The following TTLL7 variants were observed in gnomAD, a reference collection of about 807,000 sequenced individuals.
TTLL7 encodes the protein tubulin polyglutamylase TTLL7.
TTLL7 carries 53 observed loss-of-function variants against 120.2 expected under a neutral mutation model. That is an observed-to-expected ratio of 0.44 (90% CI 0.35 to 0.55). The LOEUF is 0.55. TTLL7 is among the 20% of genes least tolerant of loss of function. TTLL7 has a pLI of 0.00. For missense variants in TTLL7, 803 were observed against 1,054.7 expected, an observed-to-expected ratio of 0.76 and a Z score of 3.31; for synonymous variants, 353 against 351.7, an observed-to-expected ratio of 1.00 and a Z score of -0.04.
rs1311857233 is a variant in TTLL7, at chr1:83,956,831, T to C, written c.-176-4444A>G. On this transcript the variant is annotated intron_variant, in intron 1 of 20. Transcript: ENST00000260505. ...AGAGGAATATATGGAACATATCCAC[T>C]GAGCAGTTGTGGCCTGCTATGGCTA... is the stretch of plus-strand genomic sequence containing the variant. Among the ~76,000 whole-genome samples, 8 of 152,300 alleles carry C rather than the reference T, an allele frequency of 5.3e-5. No homozygotes were observed. The East Asian group carries it at 1.5e-3, about 29-fold the overall frequency.
chr1:83,906,456 G>C lies in TTLL7; in HGVS notation c.2000C>G (p.Ser667Cys). The C allele has an allele frequency of 6.2e-7, 1 of 1,611,798 alleles. No individual in the cohort carries two copies. The highest frequency in any genetic ancestry group is 8.5e-7 in the Non-Finnish European group (1 of 1,178,692). ...TTCTTTTGTTTTCAGTTGCCGCAAA[G>C]ACTCACTCTTAAATTTGAAAGAATA... The part of the protein sequence containing the change: ...ACSTNSQVSE[S>C]LRQLKTKEQE... Residue 667 changes from serine (S) to cysteine (C), a missense_variant, in exon 17 of 21, where the codon TCT (serine) becomes TGT (cysteine). By Grantham distance (112) the Ser-to-Cys change is moderately radical (BLOSUM62 -1). Around this residue, in one of 3 missense-constraint regions of TTLL7, gnomAD observed 388 missense variants for 450.4 expected, o/e 0.86. Coordinates refer to ENST00000260505, the MANE Select transcript of TTLL7 (RefSeq NM_024686.6).
Position 83,906,052 on chromosome 1 carries a change from C to A in TTLL7, c.2127+277G>T, listed in dbSNP as rs756915175. 1.1e-4 allele frequency among the ~76,000 whole-genome samples: 16 copies of A among 152,004 alleles called. 1 individual carries two copies. Among genetic ancestry groups the A allele is most frequent in the Non-Finnish European group, 1.9e-4 (13 of 67,980 alleles). On this transcript the variant is annotated intron_variant, in intron 17 of 20. Coordinates refer to ENST00000260505, the MANE Select transcript of TTLL7 (RefSeq NM_024686.6). Reference sequence around the variant, plus strand: ...CATTAAGAACAATAATTATTTAACACTAATTATTCTGACTTGATGAAGCAG... The same window carrying A: ...CATTAAGAACAATAATTATTTAACAATAATTATTCTGACTTGATGAAGCAG...
At chr1:83,990,457 G>A (rs1052631979) in intron 1 of TTLL7, among the ~76,000 whole-genome samples, 3 of 152,082 alleles carry the variant, frequency 2.0e-5, no homozygotes, top group African/African-American at 7.2e-5. Context: ...TTACAGGCGT[G>A]AGCCACCGCG....
rs1037521063 is a variant in TTLL7 at position 83,949,298 on chromosome 1, G to C, written c.279+567C>G. 1.3e-4 allele frequency: 20 copies of C among 151,252 alleles called. 1 individual carries two copies. The highest frequency in any genetic ancestry group is 1.3e-3 in the Admixed American group (20 of 15,178). 9.4% of individuals were successfully genotyped at this position (151,252 alleles called of 1,614,324 possible). ...TCTTTAAAGCACCATCTTAGGAAGA[G>C]GTGTTTTTTTTGTTTTGTTTTTTTT... is the stretch of plus-strand genomic sequence containing the variant. On this transcript the variant is annotated intron_variant, in intron 4 of 20. Transcript: ENST00000260505.
chr1:83,884,208 A>G (rs1048165049), intron 19 of TTLL7, among the ~76,000 whole-genome samples: 3 of 151,762 alleles, frequency 2.0e-5, no homozygotes, highest in African/African-American at 7.3e-5. Flanking sequence ...AAACTCTTCA[A>G]GCCTCCAGGG....
chr1:83,917,562 G>C (rs767721492), intron 14 of TTLL7, 42 bp downstream of exon 14: 9 of 1,361,220 alleles, frequency 6.6e-6, no homozygotes, highest in Non-Finnish European at 9.5e-6. Flanking sequence ...AGGGCTAGTA[G>C]CATCTACTTT....
At chr1:83,946,744 C>T (rs2100851597) in intron 6 of TTLL7, among the ~76,000 whole-genome samples, 1 of 152,230 alleles carries the variant, frequency 6.6e-6, no homozygotes, top group Admixed American at 6.5e-5. Context: ...AGAATAACTC[C>T]CTTTTCATTT....
At chr1:83,962,629 C>G (rs995147810) in intron 1 of TTLL7, among the ~76,000 whole-genome samples, 13 of 152,152 alleles carry the variant, frequency 8.5e-5, no homozygotes, top group African/African-American at 3.1e-4. Context: ...ATTGTGCCTA[C>G]TAAGTAACTA....
chr1:83,937,723 T>C, intron 8 of TTLL7, 129 bp downstream of exon 8: 1 of 1,030,860 alleles, frequency 9.7e-7, no homozygotes, highest in African/African-American at 1.6e-5. Flanking sequence ...ATCTGATTTT[T>C]TTCTCTCTGG....
At chr1:83,944,313 C>A (rs1460808279) in intron 6 of TTLL7, among the ~76,000 whole-genome samples, 4 of 152,130 alleles carry the variant, frequency 2.6e-5, no homozygotes, top group Non-Finnish European at 5.9e-5. Context: ...GCTCAATTAC[C>A]TCCAAGTAGG....
chr1:83,942,147 T>G (rs942976023), intron 7 of TTLL7, among the ~76,000 whole-genome samples: 23 of 152,168 alleles, frequency 1.5e-4, no homozygotes, highest in Non-Finnish European at 7.3e-5. Flanking sequence ...CATGTTAGTA[T>G]TATTTATAAT....
chr1:83,899,157 T>A (rs1656495995), intron 18 of TTLL7, among the ~76,000 whole-genome samples: 1 of 151,914 alleles, frequency 6.6e-6, no homozygotes, highest in South Asian at 2.1e-4. Context: ...TAAGGGGTCT[T>A]AAATTACCTG....
At chr1:83,951,355 AAAG>A (rs1393242106) in intron 3 of TTLL7, among the ~76,000 whole-genome samples, 1 of 152,104 alleles carries the variant, frequency 6.6e-6, no homozygotes, top group Non-Finnish European at 1.5e-5. Context: ...AAAAAAAAAA[AAAG>A]AAGAAGGAAT....
At chr1:83,918,955 T>C (rs951246613) in intron 13 of TTLL7, among the ~76,000 whole-genome samples, 1 of 152,066 alleles carries the variant, frequency 6.6e-6, no homozygotes, top group Non-Finnish European at 1.5e-5. Context: ...CCTGAGCTAC[T>C]ATATTGAGAG....
chr1:83,990,167 C>CTTTTT (rs35374044), intron 1 of TTLL7, among the ~76,000 whole-genome samples: 14 of 116,922 alleles, frequency 1.2e-4, no homozygotes, highest in Middle Eastern at 5.2e-3. Flanking sequence ...ATTTGGATGC[C>CTTTTT]TTTTTTTTTT....
At chr1:83,971,888 C>T (rs1416409577) in intron 1 of TTLL7, among the ~76,000 whole-genome samples, 3 of 152,040 alleles carry the variant, frequency 2.0e-5, no homozygotes, top group Non-Finnish European at 2.9e-5. Flanking sequence ...CATCTATCTC[C>T]AGTTCCTAAC....
At chr1:83,893,367 C>A (rs12738214) in intron 18 of TTLL7, among the ~76,000 whole-genome samples, 63,878 of 151,678 alleles carry the variant, frequency 0.42, 15,188 homozygotes, top group Non-Finnish European at 0.54. Flanking sequence ...CAACAAAATT[C>A]TTTTGTAAAA....
At chr1:83,933,849 C>T in intron 8 of TTLL7, 83 bp from the exon 9 acceptor site, 2 of 1,362,872 alleles carry the variant, frequency 1.5e-6, no homozygotes, top group Non-Finnish European at 2.0e-6. Context: ...CACAAACTGG[C>T]AGCCTGGCCA....
At chr1:83,880,940 A>G (rs888963968) in intron 20 of TTLL7, among the ~76,000 whole-genome samples, 1 of 152,152 alleles carries the variant, frequency 6.6e-6, no homozygotes, top group African/African-American at 2.4e-5. Flanking sequence ...AATGCCGCAT[A>G]TCTACAACTA....
Sources: gnomAD v4.1 joint callset for allele counts (sites outside exome capture counted in the v4.1 genomes callset) on GRCh38, gnomAD v4.1.1 for gene constraint, gnomAD v4.1.1 regional missense constraint, MANE v1.5 for transcripts, NCBI Gene and HGNC (gene_info 2026-07-23, HGNC 2026-07-21) for gene names.